The following RIMS1 variants were observed in gnomAD, a reference collection of about 807,000 sequenced individuals.
The protein encoded by RIMS1 is regulating synaptic membrane exocytosis 1.
A neutral mutation model predicts 214.1 loss-of-function variants in RIMS1; 83 were observed. That is an observed-to-expected ratio of 0.39 (90% CI 0.32 to 0.47). RIMS1 has a LOEUF of 0.47. RIMS1 is among the 20% of genes least tolerant of loss of function. RIMS1 has a pLI of 0.99. For missense variants in RIMS1, 2,050 were observed against 2,161.8 expected, an observed-to-expected ratio of 0.95 and a Z score of 1.03; for synonymous variants, 793 against 786.8, an observed-to-expected ratio of 1.01 and a Z score of -0.13.
At chr6:72,280,842 C>T (rs2089754444) in intron 23 of RIMS1, among the ~76,000 whole-genome samples, 1 of 152,054 alleles carries the variant, frequency 6.6e-6, no homozygotes, top group African/African-American at 2.4e-5. Flanking sequence ...TTCATAGCAC[C>T]ACTTGCTAAT....
intron 4 of RIMS1, among the ~76,000 whole-genome samples, chr6:72,173,611 C>T (rs926270665): frequency 1.3e-5 from 2 of 152,050 alleles, no homozygotes; most frequent in African/African-American, 4.8e-5. Context: ...GACATCTGAA[C>T]ACTAATTAAA....
intron 2 of RIMS1, among the ~76,000 whole-genome samples, chr6:71,985,640 C>A (rs1175440082): frequency 1.3e-5 from 2 of 151,952 alleles, no homozygotes; most frequent in African/African-American, 4.8e-5. Context: ...ATTGACAAAC[C>A]CTATAATTCA....
At chr6:72,243,836 A>G (rs931887043) in intron 10 of RIMS1, among the ~76,000 whole-genome samples, 3 of 151,740 alleles carry the variant, frequency 2.0e-5, no homozygotes, top group African/African-American at 7.2e-5. Context: ...GAATACAAAA[A>G]TTATAATTTA....
chr6:72,349,419 TA>T (rs2097370650), intron 29 of RIMS1, among the ~76,000 whole-genome samples: 2 of 152,174 alleles, frequency 1.3e-5, no homozygotes, highest in South Asian at 4.1e-4. Flanking sequence ...TTATTTGTAA[TA>T]ACTAAAGTTA....
At chr6:72,310,613 G>A (rs2095462626) in intron 27 of RIMS1, among the ~76,000 whole-genome samples, 2 of 152,000 alleles carry the variant, frequency 1.3e-5, no homozygotes, top group South Asian at 4.1e-4. Flanking sequence ...AAATAGTAGT[G>A]TTTAATTATT....
intron 1 of RIMS1, among the ~76,000 whole-genome samples, chr6:71,911,944 A>G (rs1284182590): frequency 6.6e-6 from 1 of 152,148 alleles, no homozygotes; most frequent in Non-Finnish European, 1.5e-5. Context: ...TATCAATGGT[A>G]CTTGTGCTGA....
intron 2 of RIMS1, among the ~76,000 whole-genome samples, chr6:72,007,353 G>A (rs572293): frequency 0.45 from 68,799 of 152,004 alleles, 16,214 homozygotes; most frequent in Non-Finnish European, 0.52. Context: ...CCAAAGGTAG[G>A]TAAAACCGCA....
intron 4 of RIMS1, among the ~76,000 whole-genome samples, chr6:72,171,623 T>G (rs1362346800): frequency 6.6e-6 from 1 of 152,192 alleles, no homozygotes; most frequent in African/African-American, 2.4e-5. Flanking sequence ...CTATAGATGA[T>G]GACAATGAGT....
At chr6:72,345,150 A>G (rs1222934974) in intron 29 of RIMS1, among the ~76,000 whole-genome samples, 1 of 151,794 alleles carries the variant, frequency 6.6e-6, no homozygotes, top group Non-Finnish European at 1.5e-5. Context: ...TTTTAAGATG[A>G]CCAATTTTAA....
At position 72,258,193 on chromosome 6, in the gene RIMS1, A is replaced by T. The variant is rs972253336; in HGVS notation, c.2839A>T (p.Thr947Ser). 6.2e-7 allele frequency: 1 copy of T among 1,613,352 alleles called. No individual in the cohort carries two copies. Among genetic ancestry groups the T allele is most frequent in the South Asian group, 1.1e-5 (1 of 91,044 alleles). Residue 947 changes from threonine (T) to serine (S), a missense_variant, in exon 17 of 34, where the codon ACT (threonine) becomes TCT (serine). Thr to Ser is a moderately conservative substitution (Grantham distance 58). Coordinates refer to ENST00000521978, the MANE Select transcript of RIMS1 (RefSeq NM_014989.7). The stretch of plus-strand genomic sequence containing the variant: ...AACTGTGCCAGAACAGCAAAGAACA[A>T]CTCATCACCGCTCACGTTCAGTATC... ...TLTVPEQQRT[T>S]HHRSRSVSPH...
intron 26 of RIMS1, among the ~76,000 whole-genome samples, chr6:72,301,165 C>G (rs1316118190): frequency 6.6e-6 from 1 of 151,476 alleles, no homozygotes; most frequent in Non-Finnish European, 1.5e-5. Flanking sequence ...TAGCATAATC[C>G]TTAACATCCA....
rs373311058 is a variant in RIMS1, at chr6:72,223,764, G to A, written c.1679-10009G>A. Reference sequence around the variant, plus strand: ...AAATCGAGACCATCCTGGCTAACACGGTGAAACTCTGTCTATACTAAAAAT... The same window carrying A: ...AAATCGAGACCATCCTGGCTAACACAGTGAAACTCTGTCTATACTAAAAAT... On this transcript the variant is annotated intron_variant, in intron 6 of 33. Coordinates refer to ENST00000521978, the MANE Select transcript of RIMS1 (RefSeq NM_014989.7). Among the ~76,000 whole-genome samples the A allele has an allele frequency of 1.7e-3, 264 of 151,940 alleles. 2 individuals carry two copies. The highest frequency in any genetic ancestry group is 6.2e-3 in the African/African-American group (256 of 41,436).
At chr6:72,290,605 T>C in intron 24 of RIMS1, 74 bp from the exon 25 acceptor site, 2 of 1,350,672 alleles carry the variant, frequency 1.5e-6, no homozygotes, top group Non-Finnish European at 2.0e-6. Flanking sequence ...CAGGTTTTCC[T>C]TGGACAAATG....
intron 1 of RIMS1, among the ~76,000 whole-genome samples, chr6:71,966,586 G>A (rs1048694850): frequency 1.8e-4 from 27 of 152,050 alleles, no homozygotes; most frequent in Non-Finnish European, 2.2e-4. Context: ...GCAGTGGCAC[G>A]ATCTCAGCTC....
At chr6:72,111,176 A>T (rs2036006784) in intron 4 of RIMS1, among the ~76,000 whole-genome samples, 1 of 152,126 alleles carries the variant, frequency 6.6e-6, no homozygotes, top group Non-Finnish European at 1.5e-5. Context: ...TGGTCTTTTG[A>T]TCTGTAGGCA....
intron 1 of RIMS1, among the ~76,000 whole-genome samples, chr6:71,950,367 A>G (rs1428664342): frequency 6.6e-6 from 1 of 151,362 alleles, no homozygotes; most frequent in Admixed American, 6.7e-5. Context: ...TATAGATTTT[A>G]CCTTAATCTG....
At chr6:72,014,758 A>C (rs1812127295) in intron 2 of RIMS1, among the ~76,000 whole-genome samples, 4 of 152,194 alleles carry the variant, frequency 2.6e-5, no homozygotes, top group Admixed American at 6.5e-5. Context: ...CCTTGTCATT[A>C]TCAGTGATCT....
intron 22 of RIMS1, among the ~76,000 whole-genome samples, chr6:72,267,478 T>C (rs2081120648): frequency 6.6e-6 from 1 of 151,858 alleles, no homozygotes. Context: ...ATTAAGTTAA[T>C]TTTAATTTTT....
At chr6:72,051,351 C>T (rs1824608143) in intron 2 of RIMS1, among the ~76,000 whole-genome samples, 2 of 152,120 alleles carry the variant, frequency 1.3e-5, no homozygotes, top group African/African-American at 4.8e-5. Flanking sequence ...CATTATCCTT[C>T]TAGTAATAGT....
Sources: gnomAD v4.1 joint callset for allele counts (sites outside exome capture counted in the v4.1 genomes callset) on GRCh38, gnomAD v4.1.1 for gene constraint, MANE v1.5 for transcripts, NCBI Gene and HGNC (gene_info 2026-07-23, HGNC 2026-07-21) for gene names.